DNAAF11: variants seen among roughly 807,000 people sequenced by gnomAD.
DNAAF11 encodes dynein axonemal assembly factor 11, also known as leucine rich repeat containing 6.
Under a neutral mutation model 60.8 loss-of-function variants are expected in DNAAF11, and 45 were observed. The observed-to-expected ratio is 0.74, with a 90% confidence interval of 0.58 to 0.95. The LOEUF (loss-of-function observed/expected upper bound fraction) is 0.95. DNAAF11 is among the 40% of genes least tolerant of loss of function. The pLI, the probability that DNAAF11 is intolerant of heterozygous loss-of-function variation, is 0.00. For missense variants in DNAAF11, 546 were observed against 546.2 expected, an observed-to-expected ratio of 1.00 and a Z score of 0.00; for synonymous variants, 191 against 183.5, an observed-to-expected ratio of 1.04 and a Z score of -0.33.
At chr8:132,611,463 G>A (rs1586576068) in intron 8 of DNAAF11, 100 bp from the exon 9 acceptor site, 5 of 613,946 alleles carry the variant, frequency 8.1e-6, no homozygotes, top group South Asian at 4.9e-5. Flanking sequence ...TTAAATGAAG[G>A]GCGTTTAAAA....
intron 3 of DNAAF11, among the ~76,000 whole-genome samples, chr8:132,651,961 T>C (rs1440932358): frequency 6.6e-6 from 1 of 152,220 alleles, no homozygotes. Context: ...ACTTTGGTAA[T>C]GGTAATTTTT....
At chr8:132,698,946 A>ATTTTGTGTGTGTGTGTGTG in the DNAAF11 span, among the ~76,000 whole-genome samples, 3 of 60,490 alleles carry the variant, frequency 5.0e-5, no homozygotes, top group African/African-American at 6.6e-4. Context: ...ACATATATAT[A>ATTTTGTGTGTGTGTGTGTG]TATATATATA....
At chr8:132,689,587 T>G in the DNAAF11 span, among the ~76,000 whole-genome samples, 1 of 152,200 alleles carries the variant, frequency 6.6e-6, no homozygotes, top group South Asian at 2.1e-4. Flanking sequence ...ATATACTATA[T>G]ACATTAATTT....
chr8:132,698,944 A>ATTTTTTGTGTGTG, the DNAAF11 span, among the ~76,000 whole-genome samples: 4 of 142,522 alleles, frequency 2.8e-5, no homozygotes, highest in African/African-American at 1.1e-4. Flanking sequence ...ATACATATAT[A>ATTTTTTGTGTGTG]TATATATATA....
chr8:132,590,696 C>T (rs1199662663), intron 10 of DNAAF11, among the ~76,000 whole-genome samples: 1 of 152,176 alleles, frequency 6.6e-6, no homozygotes, highest in African/African-American at 2.4e-5. Flanking sequence ...TTTTAGCAAG[C>T]TCTCTCCAGG....
At chr8:132,689,744 G>C in the DNAAF11 span, among the ~76,000 whole-genome samples, 5 of 152,098 alleles carry the variant, frequency 3.3e-5, no homozygotes, top group South Asian at 1.0e-3. Context: ...CAGAGAGAGA[G>C]ACAGTGTCTC....
chr8:132,622,501 G>A (rs1055626825), intron 7 of DNAAF11, 110 bp downstream of exon 7: 15 of 740,634 alleles, frequency 2.0e-5, no homozygotes, highest in Non-Finnish European at 3.2e-5. Context: ...AACTTGTTAA[G>A]AGCAGTCAGA....
chr8:132,593,332 C>CATATATATATATATATATATAT (rs60462067), intron 10 of DNAAF11, among the ~76,000 whole-genome samples: 32 of 108,694 alleles, frequency 2.9e-4, no homozygotes, highest in East Asian at 9.1e-4. Flanking sequence ...TATATACATA[C>CATATATATATATATATATATAT]ATATATATAT....
upstream of DNAAF11, chr8:132,675,603 G>A: frequency 2.5e-6 from 3 of 1,200,324 alleles, no homozygotes; most frequent in Non-Finnish European, 2.3e-6. Context: ...CAGGAGCCAT[G>A]GCAACGGGGA....
intron 5 of DNAAF11, among the ~76,000 whole-genome samples, chr8:132,628,770 A>G (rs1308619663): frequency 6.6e-6 from 1 of 152,208 alleles, no homozygotes; most frequent in Non-Finnish European, 1.5e-5. Context: ...AGCCAGGCCT[A>G]TAAGGGAGGC....
chr8:132,574,035 T>G (rs1289786011), intron 11 of DNAAF11, among the ~76,000 whole-genome samples: 1 of 151,988 alleles, frequency 6.6e-6, no homozygotes, highest in Non-Finnish European at 1.5e-5. Flanking sequence ...GGGTGAGCAA[T>G]AAAGGGAGAA....
chr8:132,682,423 C>T, the DNAAF11 span, among the ~76,000 whole-genome samples: 1 of 152,196 alleles, frequency 6.6e-6, no homozygotes, highest in Non-Finnish European at 1.5e-5. Context: ...AGCTTAATAT[C>T]CCTGAATGAC....
chr8:132,652,808 G>A (rs1269106210), intron 3 of DNAAF11, among the ~76,000 whole-genome samples: 1 of 152,120 alleles, frequency 6.6e-6, no homozygotes, highest in Non-Finnish European at 1.5e-5. Flanking sequence ...GGGAGCTAGG[G>A]GAGGGATAGC....
chr8:132,590,249 A>G (rs1816323783), intron 10 of DNAAF11, among the ~76,000 whole-genome samples: 1 of 152,076 alleles, frequency 6.6e-6, no homozygotes, highest in Non-Finnish European at 1.5e-5. Context: ...TGCTTTCACA[A>G]CCCCTGTCTG....
intron 3 of DNAAF11, among the ~76,000 whole-genome samples, chr8:132,649,820 A>C (rs946399616): frequency 5.3e-5 from 8 of 152,238 alleles, no homozygotes; most frequent in African/African-American, 1.4e-4. Context: ...ACAATGAGAT[A>C]CCATCTCAAA....
chr8:132,609,572 GT>G (rs1313021418), intron 10 of DNAAF11, among the ~76,000 whole-genome samples: 5 of 152,072 alleles, frequency 3.3e-5, no homozygotes, highest in Non-Finnish European at 7.4e-5. Flanking sequence ...AGGAACTTCT[GT>G]TTCATTGTGA....
At chr8:132,626,304 G>A (rs991903138) in intron 5 of DNAAF11, among the ~76,000 whole-genome samples, 15 of 152,060 alleles carry the variant, frequency 9.9e-5, no homozygotes, top group African/African-American at 3.1e-4. Flanking sequence ...ACCCGCCTCG[G>A]CCTCCCAAAG....
intron 10 of DNAAF11, 100 bp from the exon 11 acceptor site, chr8:132,583,879 A>T (rs558978060): frequency 1.2e-6 from 1 of 810,090 alleles, no homozygotes; most frequent in South Asian, 1.6e-5. Context: ...AAACATTTTA[A>T]TTTTTTCTCT....
intron 1 of DNAAF11, among the ~76,000 whole-genome samples, chr8:132,664,154 A>G (rs1447751343): frequency 6.6e-6 from 1 of 152,214 alleles, no homozygotes; most frequent in East Asian, 1.9e-4. Context: ...CTTGCCCCAG[A>G]TTCTAGTTGA....
Sources: allele counts gnomAD v4.1 joint callset (sites outside exome capture counted in the v4.1 genomes callset), GRCh38; gene constraint gnomAD v4.1.1; transcripts MANE v1.5; gene names NCBI Gene and HGNC (gene_info 2026-07-23, HGNC 2026-07-21).